ZBTB41: variants seen among roughly 807,000 people sequenced by gnomAD.
ZBTB41 encodes zinc finger and BTB domain-containing protein 41.
In ZBTB41, 42 loss-of-function variants were observed where a neutral mutation model predicts 87.6. The ratio of observed to expected loss-of-function variants is 0.48; its 90% CI spans 0.37 to 0.62. ZBTB41 has a LOEUF of 0.62. ZBTB41 is among the 20% of genes least tolerant of loss of function. ZBTB41 has a pLI of 0.00. For synonymous variants in ZBTB41, 364 were observed against 364.0 expected (o/e 1.00, Z 0.00); for missense variants, 799 against 1,078.9 (o/e 0.74, Z 3.63).
chr1:197,163,603 T>C (rs1255382794), intron 10 of ZBTB41, among the ~76,000 whole-genome samples: 1 of 151,086 alleles, frequency 6.6e-6, no homozygotes, highest in Non-Finnish European at 1.5e-5. Flanking sequence ...AAGTCACAGA[T>C]TCAATAAACA....
chr1:197,182,966 A>G (rs941536315), intron 5 of ZBTB41, among the ~76,000 whole-genome samples: 1 of 152,188 alleles, frequency 6.6e-6, no homozygotes, highest in East Asian at 1.9e-4. Context: ...TGAAGTGTAC[A>G]GTGATTCAAG....
In ZBTB41 at chr1:197,188,446, T is replaced by G; in HGVS notation, c.1399-7A>C. On this transcript the variant is annotated splice_region_variant and splice_polypyrimidine_tract_variant and intron_variant, in intron 4 of 10. Coordinates refer to ENST00000367405, the MANE Select transcript of ZBTB41 (RefSeq NM_194314.3). ...TAAAAGATTTCTTACAAATCTAAATTAAAATGCAAACAAAATGTTAAGAGA... is the reference window on the plus strand; with the variant it reads ...TAAAAGATTTCTTACAAATCTAAATGAAAATGCAAACAAAATGTTAAGAGA... The G allele has an allele frequency of 6.3e-7, 1 of 1,588,282 alleles. No homozygotes were observed. Among genetic ancestry groups the G allele is most frequent in the Non-Finnish European group, 8.5e-7 (1 of 1,169,814 alleles).
At chr1:197,163,205 T>A (rs1659239724) in intron 10 of ZBTB41, among the ~76,000 whole-genome samples, 1 of 152,130 alleles carries the variant, frequency 6.6e-6, no homozygotes, top group African/African-American at 2.4e-5. Flanking sequence ...TATTTGCTTG[T>A]GAGAAAAAAT....
intron 10 of ZBTB41, among the ~76,000 whole-genome samples, chr1:197,170,577 A>T (rs1433064645): frequency 6.6e-6 from 1 of 152,116 alleles, no homozygotes; most frequent in Non-Finnish European, 1.5e-5. Flanking sequence ...ATGCACAGAT[A>T]AAATTGAGTC....
At chr1:197,177,404 GTC>G (rs1659635195) in intron 7 of ZBTB41, among the ~76,000 whole-genome samples, 1 of 152,074 alleles carries the variant, frequency 6.6e-6, no homozygotes, top group South Asian at 2.1e-4. Flanking sequence ...GGAACTGTGA[GTC>G]AATTAAATCC....
In ZBTB41 at chr1:197,200,441, A is replaced by C; in HGVS notation, c.33T>G (p.Leu11=). The C allele has an allele frequency of 6.2e-7, 1 of 1,600,474 alleles. No homozygotes were observed. The highest frequency in any genetic ancestry group is 8.5e-7 in the Non-Finnish European group (1 of 1,175,718). The change falls in exon 2 of 11, where the codon CTT becomes CTG. Residue 11 remains leucine (L), a synonymous_variant. Coordinates refer to ENST00000367405, the MANE Select transcript of ZBTB41 (RefSeq NM_194314.3). ...TATGATAGCCTAGATGGATCTTCTCAAGATTTGAAGTAACCTTTCTCCTCT... is the reference window on the plus strand; with the variant it reads ...TATGATAGCCTAGATGGATCTTCTCCAGATTTGAAGTAACCTTTCTCCTCT... MKKRRKVTSN[L]EKIHLGYHKD...
rs1659147121 is a variant in ZBTB41, at chr1:197,159,482, T to C, written c.2607A>G (p.Ile869Met). The C allele has an allele frequency of 1.2e-6, 2 of 1,613,848 alleles. No homozygotes were observed. Among genetic ancestry groups the C allele is most frequent in the Admixed American group, 1.7e-5 (1 of 59,976 alleles). ...KYTLTPQPAN[I>M]VHPVRPEQML... ...TTTGTTCAGGTCGAACTGGGTGAAC[T>C]ATATTTGCAGGTTGAGGAGTAAGAG... Residue 869 changes from isoleucine (I) to methionine (M), a missense_variant, in exon 11 of 11, where the codon ATA becomes ATG. This residue lies in a region of ZBTB41 where 171 missense variants were observed against 191.9 expected (regional missense o/e 0.89). Coordinates refer to ENST00000367405, the MANE Select transcript of ZBTB41 (RefSeq NM_194314.3).
intron 5 of ZBTB41, among the ~76,000 whole-genome samples, chr1:197,182,475 C>T (rs879722944): frequency 3.7e-5 from 5 of 133,774 alleles, no homozygotes; most frequent in Non-Finnish European, 3.3e-5. Flanking sequence ...CAGTATCTCA[C>T]TAGGTTGCCC....
intron 7 of ZBTB41, among the ~76,000 whole-genome samples, chr1:197,177,482 G>A (rs1659637576): frequency 1.3e-5 from 2 of 151,984 alleles, no homozygotes; most frequent in African/African-American, 2.4e-5. Context: ...GACTAATAGA[G>A]CAAATAATGG....
intron 5 of ZBTB41, 58 bp from the exon 6 acceptor site, chr1:197,181,175 A>C (rs1340181286): frequency 9.4e-6 from 14 of 1,484,428 alleles, no homozygotes; most frequent in Middle Eastern, 2.2e-4. Flanking sequence ...TACTAAGTTA[A>C]ATTTAATAGG....
In ZBTB41 at chr1:197,155,964, C is replaced by A. The variant is rs761386235; in HGVS notation, c.*3395G>T. 3.3e-5 allele frequency: 5 copies of A among 152,128 alleles called. No homozygotes were observed. Among genetic ancestry groups the A allele is most frequent in the Non-Finnish European group, 7.4e-5 (5 of 67,736 alleles). The allele number at this position is 152,128 out of a possible 1,614,324, so 9.4% of individuals were successfully genotyped here. On this transcript the variant is annotated 3_prime_UTR_variant, in exon 11 of 11. Coordinates refer to ENST00000367405, the MANE Select transcript of ZBTB41 (RefSeq NM_194314.3). ...GTTGGGTTTCTTACAAAAATAACCTCAACTTGACTTAAAAAAATTCGAAGG... is the reference window on the plus strand; with the variant it reads ...GTTGGGTTTCTTACAAAAATAACCTAAACTTGACTTAAAAAAATTCGAAGG...
Position 197,186,595 on chromosome 1 carries a change from C to T in ZBTB41, c.1546+1697G>A, listed in dbSNP as rs187942329. On this transcript the variant is annotated intron_variant, in intron 5 of 10. Transcript: ENST00000367405. ...AAAATGGGCCAGCCAGGCGTGGTGG[C>T]TCACGCCTGTAATCCCAGCACTTTG... 2.5e-3 allele frequency among the ~76,000 whole-genome samples: 388 copies of T among 152,332 alleles called. 3 individuals carry two copies. The highest frequency in any genetic ancestry group is 9.0e-3 in the African/African-American group (374 of 41,576).
intron 8 of ZBTB41, chr1:197,176,065 T>C (rs1659599706): frequency 6.5e-6 from 1 of 154,348 alleles, no homozygotes; most frequent in African/African-American, 2.4e-5. Flanking sequence ...TTATACAGTA[T>C]AAAGATCTGA....
chr1:197,168,267 G>T lies in ZBTB41; in HGVS notation c.2074+3893C>A, dbSNP rs1274393707. On this transcript the variant is annotated intron_variant, in intron 10 of 10. Transcript: ENST00000367405. ...AAAAAATCTAAACAAATTAATGGAG[G>T]TGTTCACAGACTGGATAATACGATG... 2.0e-5 allele frequency among the ~76,000 whole-genome samples: 3 copies of T among 151,970 alleles called. 1 individual carries two copies. The highest frequency in any genetic ancestry group is 4.8e-5 in the African/African-American group (2 of 41,460).
intron 10 of ZBTB41, among the ~76,000 whole-genome samples, chr1:197,170,264 G>GA (rs763032205): frequency 1.5e-3 from 223 of 149,878 alleles, no homozygotes; most frequent in Non-Finnish European, 1.5e-3. Flanking sequence ...TCCCAACAAG[G>GA]AAAAAAAAAA....
chr1:197,195,577 T>C (rs1343674969), intron 2 of ZBTB41, among the ~76,000 whole-genome samples: 1 of 152,222 alleles, frequency 6.6e-6, no homozygotes, highest in Non-Finnish European at 1.5e-5. Flanking sequence ...GTGGAATATC[T>C]GCACGATGGA....
At chr1:197,171,151 C>A (rs1659466495) in intron 10 of ZBTB41, among the ~76,000 whole-genome samples, 1 of 152,104 alleles carries the variant, frequency 6.6e-6, no homozygotes, top group Non-Finnish European at 1.5e-5. Flanking sequence ...TCTGTAAGTT[C>A]ACCATCTCTT....
chr1:197,168,006 T>C lies in ZBTB41; in HGVS notation c.2074+4154A>G, dbSNP rs1438860604. ...ATTATTCACAGATAACTTGTTTGCA[T>C]GCTTTGAAAGTTCAAAAAAAGCTAG... On this transcript the variant is annotated intron_variant, in intron 10 of 10. Coordinates refer to ENST00000367405, the MANE Select transcript of ZBTB41 (RefSeq NM_194314.3). 2.6e-5 allele frequency among the ~76,000 whole-genome samples: 4 copies of C among 152,182 alleles called. No homozygotes were observed. The East Asian group carries it at 7.7e-4, about 29-fold the overall frequency.
chr1:197,169,167 G>A (rs1659419995), intron 10 of ZBTB41, among the ~76,000 whole-genome samples: 1 of 151,976 alleles, frequency 6.6e-6, no homozygotes, highest in African/African-American at 2.4e-5. Context: ...AAACTACTTA[G>A]TAGTATCTCC....
Sources: gnomAD v4.1 joint callset for allele counts (sites outside exome capture counted in the v4.1 genomes callset) on GRCh38, gnomAD v4.1.1 for gene constraint, gnomAD v4.1.1 regional missense constraint, MANE v1.5 for transcripts, NCBI Gene and HGNC (gene_info 2026-07-23, HGNC 2026-07-21) for gene names.